The following DEK variants were observed in gnomAD, a reference collection of about 807,000 sequenced individuals.
The protein encoded by DEK is DEK proto-oncogene, also known as protein DEK.
In DEK, 28 loss-of-function variants were observed where a neutral mutation model predicts 46.8. That is an observed-to-expected ratio of 0.60 (90% CI 0.44 to 0.82). The LOEUF (loss-of-function observed/expected upper bound fraction) is 0.82, where lower values mean the gene tolerates loss of function less well. DEK is among the 40% of genes least tolerant of loss of function. The pLI, the probability that DEK is intolerant of heterozygous loss-of-function variation, is 0.00. For missense variants in DEK, 416 were observed against 430.6 expected (o/e 0.97, Z 0.30); for synonymous variants, 160 against 144.5 (o/e 1.11, Z -0.77).
intron 9 of DEK, among the ~76,000 whole-genome samples, chr6:18,229,803 T>C (rs942040764): frequency 6.6e-6 from 1 of 152,192 alleles, no homozygotes; most frequent in Non-Finnish European, 1.5e-5. Flanking sequence ...GAAAACACTC[T>C]TCAGGATATT....
chr6:18,259,681 A>T (rs1052233962), intron 2 of DEK, among the ~76,000 whole-genome samples: 1 of 152,212 alleles, frequency 6.6e-6, no homozygotes, highest in East Asian at 1.9e-4. Context: ...ATATACGCCA[A>T]TATAAAAGAT....
At chr6:18,260,575 T>C (rs1791812882) in intron 2 of DEK, among the ~76,000 whole-genome samples, 1 of 152,194 alleles carries the variant, frequency 6.6e-6, no homozygotes, top group Non-Finnish European at 1.5e-5. Context: ...TTTCTCTCAC[T>C]TCCCTTTTCC....
intron 2 of DEK, among the ~76,000 whole-genome samples, chr6:18,259,691 T>C (rs964765121): frequency 3.3e-5 from 5 of 152,070 alleles, no homozygotes; most frequent in Non-Finnish European, 7.4e-5. Flanking sequence ...ATATAAAAGA[T>C]AACAAAACAT....
rs187460480 is a variant in DEK at position 18,238,417 on chromosome 6, G to A, written c.763-901C>T. On this transcript the variant is annotated intron_variant, in intron 7 of 10. Coordinates refer to ENST00000652689, the MANE Select transcript of DEK (RefSeq NM_003472.4). The stretch of plus-strand genomic sequence containing the variant: ...TAAATATGGATAGATTAAAATGACA[G>A]GCCAGGCATGGTGGCTCATGCCTGT... 3.3e-5 allele frequency among the ~76,000 whole-genome samples: 5 copies of A among 152,112 alleles called. No individual in the cohort carries two copies. The East Asian group carries it at 9.8e-4, about 30-fold the overall frequency.
At chr6:18,238,247 T>C (rs1032875253) in intron 7 of DEK, among the ~76,000 whole-genome samples, 10 of 151,812 alleles carry the variant, frequency 6.6e-5, no homozygotes, top group Admixed American at 4.6e-4. Flanking sequence ...TAAATACTTA[T>C]GACTATATGA....
chr6:18,235,101 T>C (rs1485977450), intron 9 of DEK, among the ~76,000 whole-genome samples: 6 of 152,216 alleles, frequency 3.9e-5, no homozygotes, highest in Non-Finnish European at 7.3e-5. Flanking sequence ...TATAACTGGG[T>C]GTCCTGCCTC....
chr6:18,258,096 A>G, intron 3 of DEK, 34 bp from the exon 4 acceptor site: 1 of 1,404,172 alleles, frequency 7.1e-7, no homozygotes, highest in South Asian at 1.2e-5. Context: ...TTAAATACCT[A>G]TGGCTTACTA....
At chr6:18,230,613 G>C (rs907558467) in intron 9 of DEK, among the ~76,000 whole-genome samples, 1 of 152,112 alleles carries the variant, frequency 6.6e-6, no homozygotes, top group Non-Finnish European at 1.5e-5. Flanking sequence ...AACCAACAAA[G>C]ATCAAAAGAG....
intron 9 of DEK, among the ~76,000 whole-genome samples, chr6:18,228,784 G>C (rs214499): frequency 0.17 from 25,468 of 152,262 alleles, 2,475 homozygotes; most frequent in South Asian, 0.27. Context: ...TGCTAGCACG[G>C]CAGTGTAAGA....
rs1442438292 is a variant in DEK at position 18,225,503 on chromosome 6, G to A, written c.*216C>T. The A allele has an allele frequency of 2.1e-6, 1 of 477,170 alleles. No individual in the cohort carries two copies. Among genetic ancestry groups the A allele is most frequent in the East Asian group, 3.2e-5 (1 of 30,794 alleles). The allele number at this position is 477,170 out of a possible 1,614,324, so 29.6% of individuals were successfully genotyped here. On this transcript the variant is annotated 3_prime_UTR_variant, in exon 11 of 11. Transcript: ENST00000652689. ...ACTATAAAAGCAAGGAACAATTAATGCCATGCAAGATTTTAAACTAAAAAT... is the reference window on the plus strand; with the variant it reads ...ACTATAAAAGCAAGGAACAATTAATACCATGCAAGATTTTAAACTAAAAAT...
At chr6:18,227,003 A>C (rs1174776938) in intron 9 of DEK, among the ~76,000 whole-genome samples, 1 of 152,184 alleles carries the variant, frequency 6.6e-6, no homozygotes, top group Non-Finnish European at 1.5e-5. Flanking sequence ...ACCACTCCCT[A>C]ATCTCAAGTA....
chr6:18,228,644 C>T (rs978719159), intron 9 of DEK, among the ~76,000 whole-genome samples: 12 of 152,152 alleles, frequency 7.9e-5, no homozygotes, highest in African/African-American at 1.7e-4. Context: ...CTGTGATAGA[C>T]GGCACCTGGA....
chr6:18,234,939 C>A (rs924230407), intron 9 of DEK, among the ~76,000 whole-genome samples: 11 of 152,162 alleles, frequency 7.2e-5, no homozygotes, highest in African/African-American at 2.7e-4. Context: ...ATTGCAGACT[C>A]CAAAACAGGT....
chr6:18,230,567 G>A (rs2151077629), intron 9 of DEK, among the ~76,000 whole-genome samples: 1 of 152,114 alleles, frequency 6.6e-6, no homozygotes, highest in African/African-American at 2.4e-5. Flanking sequence ...AAAAAAACAG[G>A]GGTTGCAATC....
intron 7 of DEK, among the ~76,000 whole-genome samples, chr6:18,248,521 C>T (rs557876846): frequency 6.6e-6 from 1 of 152,130 alleles, no homozygotes; most frequent in South Asian, 2.1e-4. Context: ...TTCCTTTGTG[C>T]CAAATATATA....
Position 18,258,295 on chromosome 6 carries a change from T to C in DEK, c.247+9A>G. The C allele has an allele frequency of 6.3e-7, 1 of 1,599,252 alleles. No homozygotes were observed. Among genetic ancestry groups the C allele is most frequent in the Non-Finnish European group, 8.5e-7 (1 of 1,174,470 alleles). ...ACCACAAAATGAAAGGAAGCTAGAA[T>C]AAACTTACCTTGTGCAATTGTAAAT... is the stretch of plus-strand genomic sequence containing the variant. On this transcript the variant is annotated intron_variant, in intron 3 of 10. Transcript: ENST00000652689.
At chr6:18,263,449 A>G (rs745616377) in intron 2 of DEK, among the ~76,000 whole-genome samples, 13 of 152,210 alleles carry the variant, frequency 8.5e-5, no homozygotes, top group Non-Finnish European at 1.6e-4. Context: ...TTCAAAAGGC[A>G]AAAGATGTGT....
In DEK at chr6:18,258,360, TCTA is replaced by T; in HGVS notation, c.188_190del (p.Val63del). On this transcript the variant is annotated inframe_deletion, in exon 3 of 11. Transcript: ENST00000652689. ...GGAAGAGACTTGCATTGTCAACCTCTCTACTTTTTTCTTTTCCCTCTTGCCTTC... is the reference window on the plus strand; with the variant it reads ...GGAAGAGACTTGCATTGTCAACCTCTCTTTTTTCTTTTCCCTCTTGCCTTC... 1 of 1,613,520 alleles carries T rather than the reference TCTA, an allele frequency of 6.2e-7. No homozygotes were observed. The highest frequency in any genetic ancestry group is 8.5e-7 in the Non-Finnish European group (1 of 1,179,748).
chr6:18,234,410 TCTAACCA>T (rs1294069286), intron 9 of DEK, among the ~76,000 whole-genome samples: 1 of 152,198 alleles, frequency 6.6e-6, no homozygotes, highest in Non-Finnish European at 1.5e-5. Context: ...CCCGAATTGG[TCTAACCA>T]CTCATTTTTC....
Sources: gnomAD v4.1 joint callset for allele counts (sites outside exome capture counted in the v4.1 genomes callset) on GRCh38, gnomAD v4.1.1 for gene constraint, MANE v1.5 for transcripts, NCBI Gene and HGNC (gene_info 2026-07-23, HGNC 2026-07-21) for gene names.